Variants in FGF12 observed in about 807,000 individuals in gnomAD.
FGF12 encodes fibroblast growth factor 12B.
A neutral mutation model predicts 23.6 loss-of-function variants in FGF12; 14 were observed. The ratio of observed to expected loss-of-function variants is 0.59; its 90% confidence interval spans 0.39 to 0.93. The LOEUF (loss-of-function observed/expected upper bound fraction) is 0.93, where lower values mean the gene tolerates loss of function less well. Ranked by LOEUF, FGF12 falls within the 40% of genes least tolerant of loss-of-function variation. FGF12 has a pLI of 0.00. For synonymous variants in FGF12, 62 were observed against 77.3 expected, an observed-to-expected ratio of 0.80 and a Z score of 1.04; for missense variants, 175 against 217.8, an observed-to-expected ratio of 0.80 and a Z score of 1.24.
intron 5 of FGF12, 35 bp downstream of exon 5, chr3:192,170,423 A>C: frequency 6.3e-7 from 1 of 1,577,428 alleles, no homozygotes. Context: ...ACACACAGAT[A>C]AGGGTCCAAC....
chr3:192,306,192 G>A (rs1348500101), intron 4 of FGF12, among the ~76,000 whole-genome samples: 2 of 152,046 alleles, frequency 1.3e-5, no homozygotes, highest in African/African-American at 4.8e-5. Context: ...CACACAGTTG[G>A]ATTACCTTTT....
chr3:192,690,793 T>C (rs1717920662), intron 2 of FGF12, among the ~76,000 whole-genome samples: 1 of 151,936 alleles, frequency 6.6e-6, no homozygotes, highest in Non-Finnish European at 1.5e-5. Flanking sequence ...GACCCAAATA[T>C]ATGCTGCTGA....
chr3:192,683,215 G>A (rs114698874), intron 2 of FGF12, among the ~76,000 whole-genome samples: 4,707 of 152,286 alleles, frequency 0.031, 252 homozygotes, highest in African/African-American at 0.11. Flanking sequence ...GGCAGCCAGC[G>A]TCTGAAATCA....
At chr3:192,627,838 C>T (rs1165798969) in intron 2 of FGF12, among the ~76,000 whole-genome samples, 1 of 142,326 alleles carries the variant, frequency 7.0e-6, no homozygotes, top group Non-Finnish European at 1.6e-5. Context: ...TTGACTTGTA[C>T]TCTGTGTGTG....
chr3:192,617,214 A>G (rs113711133), intron 2 of FGF12, among the ~76,000 whole-genome samples: 1,574 of 152,182 alleles, frequency 0.01, 17 homozygotes, highest in African/African-American at 0.034. Context: ...TTTCAGACTT[A>G]AGGAGAATAG....
chr3:192,439,583 A>G (rs1560111495), intron 2 of FGF12, among the ~76,000 whole-genome samples: 2 of 152,212 alleles, frequency 1.3e-5, no homozygotes, highest in East Asian at 1.9e-4. Flanking sequence ...TCTTGCCTCA[A>G]CTGAGCTTAC....
intron 2 of FGF12, among the ~76,000 whole-genome samples, chr3:192,602,224 C>A (rs558026104): frequency 1.6e-4 from 24 of 152,202 alleles, no homozygotes; most frequent in South Asian, 1.5e-3. Context: ...TATATAGGAA[C>A]TTTCTGCTCA....
chr3:192,293,013 C>T (rs1714840467), intron 4 of FGF12, among the ~76,000 whole-genome samples: 1 of 152,086 alleles, frequency 6.6e-6, no homozygotes, highest in South Asian at 2.1e-4. Flanking sequence ...CTCCTGGCCT[C>T]AAGCAGTCCT....
intron 5 of FGF12, among the ~76,000 whole-genome samples, chr3:192,167,760 TATATATATAAAA>T (rs1277449029): frequency 0.015 from 462 of 31,860 alleles, 24 homozygotes; most frequent in Middle Eastern, 0.029. Flanking sequence ...TATATATATA[TATATATATAAAA>T]TTTTTTTTTT....
At chr3:192,632,770 A>G (rs1715435793) in intron 2 of FGF12, among the ~76,000 whole-genome samples, 1 of 152,230 alleles carries the variant, frequency 6.6e-6, no homozygotes, top group Non-Finnish European at 1.5e-5. Context: ...TAGGGTCATC[A>G]TAACAAAGTA....
At chr3:192,421,426 T>C (rs113199833) in intron 2 of FGF12, among the ~76,000 whole-genome samples, 7,733 of 59,254 alleles carry the variant, frequency 0.13, 661 homozygotes, top group African/African-American at 0.33. Context: ...ACTGCTTACT[T>C]GAAAAAAAAA....
chr3:192,152,377 G>T (rs1714107534), intron 5 of FGF12, among the ~76,000 whole-genome samples: 1 of 28,890 alleles, frequency 3.5e-5, no homozygotes, highest in African/African-American at 1.4e-4. Flanking sequence ...GTTTGCTCTT[G>T]CTTTTCTAGT....
chr3:192,561,582 T>C (rs952886578), intron 2 of FGF12, among the ~76,000 whole-genome samples: 7 of 152,122 alleles, frequency 4.6e-5, no homozygotes, highest in Non-Finnish European at 1.0e-4. Context: ...CAGGATAGTC[T>C]CGATCTCCTG....
intron 2 of FGF12, among the ~76,000 whole-genome samples, chr3:192,696,716 A>C (rs750578738): frequency 9.2e-5 from 14 of 151,994 alleles, no homozygotes; most frequent in Non-Finnish European, 1.5e-4. Flanking sequence ...CTTTATAGCA[A>C]TGTTCTTAAA....
chr3:192,158,417 CTTTCTTTT>C (rs1560171661), intron 5 of FGF12, among the ~76,000 whole-genome samples: 1 of 6,242 alleles, frequency 1.6e-4, no homozygotes, highest in Admixed American at 3.3e-3. Context: ...CTTTCTTTCT[CTTTCTTTT>C]TCTTTTTTCT....
chr3:192,530,050 C>G (rs1725047954), intron 2 of FGF12, among the ~76,000 whole-genome samples: 1 of 152,142 alleles, frequency 6.6e-6, no homozygotes, highest in South Asian at 2.1e-4. Flanking sequence ...TGCTACCAAC[C>G]ATTACATTTA....
At chr3:192,236,007 T>C (rs1465509678) in intron 4 of FGF12, among the ~76,000 whole-genome samples, 1 of 152,190 alleles carries the variant, frequency 6.6e-6, no homozygotes, top group Non-Finnish European at 1.5e-5. Context: ...TGCTATAAAC[T>C]TTCCTCTTAG....
Position 192,391,349 on chromosome 3 carries a change from G to C in FGF12, c.14-30811C>G, listed in dbSNP as rs145428639. Among the ~76,000 whole-genome samples, 54 of 152,254 alleles carry C rather than the reference G, an allele frequency of 3.5e-4. No homozygotes were observed. In the Middle Eastern group the frequency reaches 0.014, roughly 38 times the overall value. On this transcript the variant is annotated intron_variant, in intron 2 of 5. Transcript: ENST00000445105. ...CTAGACCAACTGGTGATTTAATTTA[G>C]AATGCAAGCAAAAATCTCTTATGAA...
intron 4 of FGF12, among the ~76,000 whole-genome samples, chr3:192,239,864 T>A (rs1198506979): frequency 6.6e-6 from 1 of 152,204 alleles, no homozygotes; most frequent in Non-Finnish European, 1.5e-5. Context: ...GCTAATGGGG[T>A]AACCCAAGTC....
Sources: allele counts gnomAD v4.1 joint callset (sites outside exome capture counted in the v4.1 genomes callset), GRCh38; gene constraint gnomAD v4.1.1; transcripts MANE v1.5; gene names NCBI Gene and HGNC (gene_info 2026-07-23, HGNC 2026-07-21).